The following TMEM200B variants were observed in gnomAD, a reference collection of about 807,000 sequenced individuals.
The protein encoded by TMEM200B is transmembrane protein TTMA.
Under a neutral mutation model 17.6 loss-of-function variants are expected in TMEM200B, and 12 were observed. That is an observed-to-expected ratio of 0.68 (90% confidence interval 0.44 to 1.11). The LOEUF (loss-of-function observed/expected upper bound fraction) is 1.11, where lower values mean the gene tolerates loss of function less well. TMEM200B is among the 50% of genes least tolerant of loss of function. TMEM200B has a pLI of 0.00. For synonymous variants in TMEM200B, 234 were observed against 209.2 expected (o/e 1.12, Z -1.02); for missense variants, 456 against 447.6 (o/e 1.02, Z -0.17).
chr1:29,121,639 G>A lies in TMEM200B; in HGVS notation c.190C>T (p.Leu64=), dbSNP rs1671788992. ...GCCACTGCAATGCCCATACCCACCAGTACCACGAGCGCCCCCAGCGCCGCG... is the reference window on the plus strand; with the variant it reads ...GCCACTGCAATGCCCATACCCACCAATACCACGAGCGCCCCCAGCGCCGCG... ...AFAALGALVV[L]VGMGIAVAGY... The change falls in exon 2 of 2, where the codon CTG becomes TTG. Residue 64 remains leucine (L), a synonymous_variant. Coordinates refer to ENST00000521452, the MANE Select transcript of TMEM200B (RefSeq NM_001003682.4). This position sits in a 1 kb window ranked among gnomAD's most constrained non-coding sequence, Gnocchi z 5.6. 2 of 1,463,478 alleles carry A rather than the reference G, an allele frequency of 1.4e-6. No individual in the cohort carries two copies. Among genetic ancestry groups the A allele is most frequent in the East Asian group, 3.0e-5 (1 of 33,268 alleles). 90.7% of individuals were successfully genotyped at this position (1,463,478 alleles called of 1,614,324 possible).
rs1671772719 is a variant in TMEM200B at position 29,121,415 on chromosome 1, C to A, written c.414G>T (p.Glu138Asp). ...VFICANTLLY[E>D]NRDLETRRLR... is the part of the protein sequence containing the mutation. ...GCCGTCGCGTCTCCAAGTCTCGGTT[C>A]TCATACAGCAGTGTGTTGGCGCAGA... The change falls in exon 2 of 2, where the codon GAG becomes GAT. Residue 138 changes from glutamate to aspartate, a missense_variant. Coordinates refer to ENST00000521452, the MANE Select transcript of TMEM200B (RefSeq NM_001003682.4). The surrounding 1 kb of genome is among the most constrained non-coding windows in gnomAD (Gnocchi z 5.6). The A allele has an allele frequency of 6.5e-7, 1 of 1,538,348 alleles. No individual in the cohort carries two copies. The highest frequency in any genetic ancestry group is 8.7e-7 in the Non-Finnish European group (1 of 1,146,932).
intron 1 of TMEM200B, among the ~76,000 whole-genome samples, chr1:29,122,844 C>T (rs946479967): frequency 2.0e-5 from 3 of 152,276 alleles, no homozygotes; most frequent in East Asian, 1.9e-4. Flanking sequence ...GGATCCGGGC[C>T]GCACAGCTTA....
chr1:29,123,772 C>CGAGGGAGGGAGG (rs35689224), intron 1 of TMEM200B, 84 bp downstream of exon 1: 33 of 146,882 alleles, frequency 2.2e-4, no homozygotes, highest in African/African-American at 6.4e-4. Context: ...GGGCCCTGAC[C>CGAGGGAGGGAGG]GAGGGAGGGA....
rs1671760038 is a variant in TMEM200B at position 29,121,267 on chromosome 1, T to A, written c.562A>T (p.Ile188Phe). Residue 188 changes from isoleucine to phenylalanine, a missense_variant, in exon 2 of 2, where the codon ATC becomes TTC. Coordinates refer to ENST00000521452, the MANE Select transcript of TMEM200B (RefSeq NM_001003682.4). The surrounding 1 kb of genome is among the most constrained non-coding windows in gnomAD (Gnocchi z 5.6). ...PRAVGCAEPE[I>F]WDPSPRRGTS... Reference sequence around the variant, plus strand: ...CCCCGACGCGGGGACGGGTCCCAGATTTCTGGCTCTGCGCAGCCTACGGCT... The same window carrying A: ...CCCCGACGCGGGGACGGGTCCCAGAATTCTGGCTCTGCGCAGCCTACGGCT... 7 of 1,611,706 alleles carry A rather than the reference T, an allele frequency of 4.3e-6. No homozygotes were observed. The highest frequency in any genetic ancestry group is 5.9e-6 in the Non-Finnish European group (7 of 1,179,520).
rs1558375391 is a variant in TMEM200B, at chr1:29,121,570, CGGCCCGGGACCCTGG to C, written c.244_258del (p.Pro82_Ala86del). 6.7e-7 allele frequency: 1 copy of C among 1,494,102 alleles called. No homozygotes were observed. The highest frequency in any genetic ancestry group is 8.8e-7 in the Non-Finnish European group (1 of 1,131,190). 92.6% of individuals were successfully genotyped at this position (1,494,102 alleles called of 1,614,324 possible). A position where few individuals can be genotyped will look rare whatever the true frequency, so the allele number is the denominator to read the frequency against. On this transcript the variant is annotated inframe_deletion, in exon 2 of 2. Transcript: ENST00000521452. The surrounding 1 kb of genome is among the most constrained non-coding windows in gnomAD (Gnocchi z 5.6). ...CTCATCTGGGGCGAGCTGGCATTGG[CGGCCCGGGACCCTGG>C]GGCCCCGGCCCGGTGCGGCCAGTAG...
Position 29,121,348 on chromosome 1 carries a change from C to A in TMEM200B, c.481G>T (p.Asp161Tyr). 1 of 1,563,786 alleles carries A rather than the reference C, an allele frequency of 6.4e-7. No homozygotes were observed. Among genetic ancestry groups the A allele is most frequent in the Non-Finnish European group, 8.6e-7 (1 of 1,156,322 alleles). The change falls in exon 2 of 2, where the codon GAC (aspartate) becomes TAC (tyrosine). Residue 161 changes from aspartate to tyrosine, a missense_variant. By Grantham distance (160) the Asp-to-Tyr change is radical. Coordinates refer to ENST00000521452, the MANE Select transcript of TMEM200B (RefSeq NM_001003682.4). This position sits in a 1 kb window ranked among gnomAD's most constrained non-coding sequence, Gnocchi z 5.6. ...AGGGCGCAGTCCCAGCCCGGGCCGT[C>A]GGGGGGCCGGAGCGCCTGGGCCCGC... ...VLRAQALRPP[D>Y]GPGWDCALLP...
chr1:29,121,543 C>A lies in TMEM200B; in HGVS notation c.286G>T (p.Glu96Ter). 1.3e-6 allele frequency: 2 copies of A among 1,506,838 alleles called. No homozygotes were observed. The highest frequency in any genetic ancestry group is 1.8e-6 in the Non-Finnish European group (2 of 1,136,614). The allele number at this position is 1,506,838 out of a possible 1,614,324, so 93.3% of individuals were successfully genotyped here. ...CCGCCGCGACCCTCGCGTCGCAGCTCGCTCATCTGGGGCGAGCTGGCATTG... is the reference window on the plus strand; with the variant it reads ...CCGCCGCGACCCTCGCGTCGCAGCTAGCTCATCTGGGGCGAGCTGGCATTG... Reference protein sequence around the residue: ...AANASSPQMSELRREGRGGGR... With the variant: ...AANASSPQMS Residue 96 changes from glutamate to a stop codon, truncating the protein, a stop_gained, in exon 2 of 2, where the codon GAG (glutamate) becomes TAG (stop). Transcript: ENST00000521452. LOFTEE classifies it high-confidence loss of function. The surrounding 1 kb of genome is among the most constrained non-coding windows in gnomAD (Gnocchi z 5.6).
At position 29,120,827 on chromosome 1, in the gene TMEM200B, G is replaced by A. The variant is rs1439251621; in HGVS notation, c.*78C>T. The A allele has an allele frequency of 3.5e-6, 5 of 1,436,638 alleles. No individual in the cohort carries two copies. Among genetic ancestry groups the A allele is most frequent in the East Asian group, 5.0e-5 (2 of 40,048 alleles). 89.0% of individuals were successfully genotyped at this position (1,436,638 alleles called of 1,614,324 possible). On this transcript the variant is annotated 3_prime_UTR_variant, in exon 2 of 2. Coordinates refer to ENST00000521452, the MANE Select transcript of TMEM200B (RefSeq NM_001003682.4). ...TGGGATGTGACTGAAACATCTATTA[G>A]ACGTTGGGACTCCTGGTCCTTTGGT...
In TMEM200B at chr1:29,120,180, A is replaced by G. The variant is rs1671670679; in HGVS notation, c.*725T>C. 1 of 152,600 alleles carries G rather than the reference A, an allele frequency of 6.6e-6. No individual in the cohort carries two copies. Among genetic ancestry groups the G allele is most frequent in the African/African-American group, 2.4e-5 (1 of 41,456 alleles). 9.5% of individuals were successfully genotyped at this position (152,600 alleles called of 1,614,324 possible). On this transcript the variant is annotated 3_prime_UTR_variant, in exon 2 of 2. Transcript: ENST00000521452. ...CCACATTGACCAAAATGCAGCTTCA[A>G]CGTTGAGTAAAGGGATTTCTGAGAG... is the stretch of plus-strand genomic sequence containing the variant.
In TMEM200B at chr1:29,121,491, C is replaced by T; in HGVS notation, c.338G>A (p.Arg113Gln). 3 of 1,525,708 alleles carry T rather than the reference C, an allele frequency of 2.0e-6. No homozygotes were observed. The highest frequency in any genetic ancestry group is 2.6e-6 in the Non-Finnish European group (3 of 1,141,000). 94.5% of individuals were successfully genotyped at this position (1,525,708 alleles called of 1,614,324 possible). Residue 113 changes from arginine (R) to glutamine (Q), a missense_variant, in exon 2 of 2, where the codon CGG becomes CAG. Coordinates refer to ENST00000521452, the MANE Select transcript of TMEM200B (RefSeq NM_001003682.4). This position sits in a 1 kb window ranked among gnomAD's most constrained non-coding sequence, Gnocchi z 5.6. ...GATCACCGGCCCGAGGAGCCGCAGC[C>T]GCTCGTGCGGGCCGTGAGCCCGGCC... is the stretch of plus-strand genomic sequence containing the variant. ...GGGRAHGPHERLRLLGPVIMG... is the reference protein window; with the variant it reads ...GGGRAHGPHEQLRLLGPVIMG...
Position 29,121,163 on chromosome 1 carries a change from G to A in TMEM200B, c.666C>T (p.Asn222=). The part of the protein sequence containing the change: ...NPRLGLPALL[N]SYPLKGPGLP... ...GCCCGGGGCCCTTCAGCGGGTAGCT[G>A]TTGAGCAAGGCAGGTAACCCCAAGC... Residue 222 remains asparagine (N), a synonymous_variant, in exon 2 of 2, where the codon AAC becomes AAT. Transcript: ENST00000521452. This position sits in a 1 kb window ranked among gnomAD's most constrained non-coding sequence, Gnocchi z 5.6. 1.2e-6 allele frequency: 2 copies of A among 1,613,668 alleles called. No individual in the cohort carries two copies. The highest frequency in any genetic ancestry group is 2.2e-5 in the East Asian group (1 of 44,874).
At position 29,120,669 on chromosome 1, in the gene TMEM200B, G is replaced by A. The variant is rs560096776; in HGVS notation, c.*236C>T. 18 of 532,570 alleles carry A rather than the reference G, an allele frequency of 3.4e-5. No homozygotes were observed. The East Asian group carries it at 4.1e-4, about 12-fold the overall frequency. The allele number at this position is 532,570 out of a possible 1,614,324, so 33.0% of individuals were successfully genotyped here. A position where few individuals can be genotyped will look rare whatever the true frequency, so the allele number is the denominator to read the frequency against. On this transcript the variant is annotated 3_prime_UTR_variant, in exon 2 of 2. Coordinates refer to ENST00000521452, the MANE Select transcript of TMEM200B (RefSeq NM_001003682.4). ...CAGAGGCTGAAGAAATTCCTGAGGC[G>A]AGTCCTCCACACCCCACAGTGAAAC...
Position 29,121,612 on chromosome 1 carries a change from C to G in TMEM200B, c.217G>C (p.Gly73Arg), listed in dbSNP as rs1165730872. The G allele has an allele frequency of 6.7e-7, 1 of 1,494,056 alleles. No individual in the cohort carries two copies. The highest frequency in any genetic ancestry group is 1.3e-5 in the South Asian group (1 of 79,664). The allele number at this position is 1,494,056 out of a possible 1,614,324, so 92.5% of individuals were successfully genotyped here. The part of the protein sequence containing the change: ...VLVGMGIAVA[G>R]YWPHRAGAPG... ...GCCCCGGCCCGGTGCGGCCAGTAGC[C>G]GGCCACTGCAATGCCCATACCCACC... is the stretch of plus-strand genomic sequence containing the variant. Residue 73 changes from glycine (G) to arginine (R), a missense_variant, in exon 2 of 2, where the codon GGC (glycine) becomes CGC (arginine). Physicochemically the swap from Gly to Arg is moderately radical, Grantham distance 125. Coordinates refer to ENST00000521452, the MANE Select transcript of TMEM200B (RefSeq NM_001003682.4). This position sits in a 1 kb window ranked among gnomAD's most constrained non-coding sequence, Gnocchi z 5.6.
intron 1 of TMEM200B, among the ~76,000 whole-genome samples, 173 bp from the exon 2 acceptor site, chr1:29,122,021 C>T (rs1348904520): frequency 6.6e-6 from 1 of 152,146 alleles, no homozygotes; most frequent in African/African-American, 2.4e-5. Context: ...GAGCCGCCCG[C>T]GCTCGGGTTT....
chr1:29,122,726 C>T (rs1223664252), intron 1 of TMEM200B, among the ~76,000 whole-genome samples: 2 of 152,228 alleles, frequency 1.3e-5, no homozygotes, highest in Non-Finnish European at 1.5e-5. Context: ...CGGGCTCCTC[C>T]GGATGAATCA....
rs1275623290 is a variant in TMEM200B, at chr1:29,119,917, C to T, written c.*988G>A. 6.6e-6 allele frequency: 1 copy of T among 152,612 alleles called. No homozygotes were observed. The highest frequency in any genetic ancestry group is 2.4e-5 in the African/African-American group (1 of 41,446). The allele number at this position is 152,612 out of a possible 1,614,324, so 9.5% of individuals were successfully genotyped here. On this transcript the variant is annotated 3_prime_UTR_variant, in exon 2 of 2. Transcript: ENST00000521452. ...GAATCAGATTGGCAGAATCTTTAGA[C>T]TACACAGGCAATAATCAAGTCTGCT...
rs776755120 is a variant in TMEM200B, at chr1:29,121,228, G to A, written c.601C>T (p.Pro201Ser). 1 of 1,613,198 alleles carries A rather than the reference G, an allele frequency of 6.2e-7. No homozygotes were observed. ...PSPRRGTSPVPSVRSLRSEPA... is the reference protein window; with the variant it reads ...PSPRRGTSPVSSVRSLRSEPA... ...TCTGAACGCAGACTCCGCACTGACG[G>A]GACGGGTGAAGTACCCCGACGCGGG... The change falls in exon 2 of 2, where the codon CCG (proline) becomes TCG (serine). Residue 201 changes from proline (P) to serine (S), a missense_variant. Pro to Ser is a moderately conservative substitution (Grantham distance 74). Coordinates refer to ENST00000521452, the MANE Select transcript of TMEM200B (RefSeq NM_001003682.4). This position sits in a 1 kb window ranked among gnomAD's most constrained non-coding sequence, Gnocchi z 5.6.
In TMEM200B at chr1:29,121,717, C is replaced by G; in HGVS notation, c.112G>C (p.Glu38Gln). The change falls in exon 2 of 2, where the codon GAG (glutamate) becomes CAG (glutamine). Residue 38 changes from glutamate to glutamine, a missense_variant. Glu to Gln is a conservative substitution (Grantham distance 29). Coordinates refer to ENST00000521452, the MANE Select transcript of TMEM200B (RefSeq NM_001003682.4). The surrounding 1 kb of genome is among the most constrained non-coding windows in gnomAD (Gnocchi z 5.6). ...AGCCGCGCCCGCACCCGCAGAGGCT[C>G]GGGCGGGGAGCGCGGGCGCCGGCGG... The part of the protein sequence containing the change: ...GRRRRPRSPP[E>Q]PLRVRARLRL... 8.2e-7 allele frequency: 1 copy of G among 1,220,708 alleles called. No homozygotes were observed. The highest frequency in any genetic ancestry group is 1.0e-6 in the Non-Finnish European group (1 of 982,806). 75.6% of individuals were successfully genotyped at this position (1,220,708 alleles called of 1,614,324 possible). A position where few individuals can be genotyped will look rare whatever the true frequency, so the allele number is the denominator to read the frequency against.
chr1:29,123,075 C>G (rs1187641162), intron 1 of TMEM200B, among the ~76,000 whole-genome samples: 1 of 152,214 alleles, frequency 6.6e-6, no homozygotes, highest in Non-Finnish European at 1.5e-5. Flanking sequence ...AAAGAACCAC[C>G]GCGCTGGAGC....
Sources: allele counts gnomAD v4.1 joint callset (sites outside exome capture counted in the v4.1 genomes callset), GRCh38; gene constraint gnomAD v4.1.1; non-coding constraint Gnocchi (gnomAD v3.1); transcripts MANE v1.5; gene names NCBI Gene and HGNC (gene_info 2026-07-23, HGNC 2026-07-21).